Variants in JAKMIP3 observed in about 807,000 individuals in gnomAD.
The protein encoded by JAKMIP3 is janus kinase and microtubule-interacting protein 3.
A neutral mutation model predicts 118.5 loss-of-function variants in JAKMIP3; 58 were observed. The observed-to-expected ratio is 0.49, with a 90% CI of 0.40 to 0.61. The LOEUF (loss-of-function observed/expected upper bound fraction) is 0.61. Among genes scored for constraint, JAKMIP3 ranks in the 20% least tolerant of loss-of-function variants. JAKMIP3 has a pLI of 0.00. For missense variants in JAKMIP3, 950 were observed against 1,109.0 expected (o/e 0.86, Z 2.04); for synonymous variants, 486 against 451.2 (o/e 1.08, Z -0.98).
At chr10:132,056,870 A>C (rs2038250919) in intron 1 of JAKMIP3, among the ~76,000 whole-genome samples, 1 of 151,960 alleles carries the variant, frequency 6.6e-6, no homozygotes, top group African/African-American at 2.4e-5. Context: ...AATACCAGGC[A>C]CTCGGGGGTC....
At position 132,117,080 on chromosome 10, in the gene JAKMIP3, A is replaced by G; in HGVS notation, c.139A>G (p.Ser47Gly). The change falls in exon 3 of 24, where the codon AGC (serine) becomes GGC (glycine). Residue 47 changes from serine to glycine, a missense_variant. Coordinates refer to ENST00000684848, the MANE Select transcript of JAKMIP3 (RefSeq NM_001323087.2). This position sits in a 1 kb window ranked among gnomAD's most constrained non-coding sequence, Gnocchi z 8.6. ...IELQQEKSKV[S>G]KVEREKNQEL... ...CAGTCTCGCTGTTGTCTTTCAGGTC[A>G]GCAAAGTGGAACGCGAGAAGAACCA... The G allele has an allele frequency of 6.2e-7, 1 of 1,604,758 alleles. No individual in the cohort carries two copies. The highest frequency in any genetic ancestry group is 8.5e-7 in the Non-Finnish European group (1 of 1,173,042).
chr10:132,060,885 T>C (rs1436392677), upstream of JAKMIP3, among the ~76,000 whole-genome samples: 1 of 151,978 alleles, frequency 6.6e-6, no homozygotes, highest in Non-Finnish European at 1.5e-5. Context: ...CTGAGCATGG[T>C]GGTGGGTGCC....
intron 4 of JAKMIP3, among the ~76,000 whole-genome samples, chr10:132,134,811 A>G (rs954002453): frequency 2.0e-5 from 3 of 152,162 alleles, no homozygotes; most frequent in African/African-American, 7.2e-5. Context: ...GTTGTGTGTG[A>G]GGTAGGGTCT....
At chr10:132,111,446 C>A (rs1037042771) in intron 2 of JAKMIP3, among the ~76,000 whole-genome samples, 1 of 152,084 alleles carries the variant, frequency 6.6e-6, no homozygotes, top group African/African-American at 2.4e-5. Flanking sequence ...TGGGTGTGAC[C>A]TCGAGCGCCG....
At chr10:132,113,137 T>A (rs982239140) in intron 2 of JAKMIP3, among the ~76,000 whole-genome samples, 2 of 152,184 alleles carry the variant, frequency 1.3e-5, no homozygotes, top group African/African-American at 4.8e-5. Flanking sequence ...GGGATTCAAT[T>A]TGCACCTCCC....
At chr10:132,101,985 G>A (rs1043318924) in intron 1 of JAKMIP3, among the ~76,000 whole-genome samples, 2 of 144,932 alleles carry the variant, frequency 1.4e-5, no homozygotes, top group Non-Finnish European at 3.1e-5. Flanking sequence ...GAGCCCACCC[G>A]ACGCTCATGT....
At chr10:132,045,221 G>A (rs954098731) in intron 1 of JAKMIP3, among the ~76,000 whole-genome samples, 2 of 152,136 alleles carry the variant, frequency 1.3e-5, no homozygotes, top group Admixed American at 6.5e-5. Context: ...CCATCCTCAC[G>A]GGTGAGCAGG....
Position 132,163,380 on chromosome 10 carries a change from G to A in JAKMIP3, c.2392G>A (p.Glu798Lys). 6.2e-7 allele frequency: 1 copy of A among 1,605,248 alleles called. No individual in the cohort carries two copies. The highest frequency in any genetic ancestry group is 8.5e-7 in the Non-Finnish European group (1 of 1,179,068). Residue 798 changes from glutamate (E) to lysine (K), a missense_variant, in exon 20 of 24, where the codon GAG becomes AAG. Physicochemically the swap from Glu to Lys is moderately conservative, Grantham distance 56 (BLOSUM62 1). Transcript: ENST00000684848. ...CGAGCGGGACGCCCAGATCCTGCGG[G>A]AGCGCATGGAGCTGCTGCAGCTGGC... Reference protein sequence around the residue: ...LRERDAQILRERMELLQLAQQ... With the variant: ...LRERDAQILRKRMELLQLAQQ...
At position 132,112,436 on chromosome 10, in the gene JAKMIP3, T is replaced by G. The variant is rs2047013672; in HGVS notation, c.136-4641T>G. Among the ~76,000 whole-genome samples, 1 of 152,202 alleles carries G rather than the reference T, an allele frequency of 6.6e-6. No individual in the cohort carries two copies. Among genetic ancestry groups the G allele is most frequent in the Non-Finnish European group, 1.5e-5 (1 of 68,024 alleles). On this transcript the variant is annotated intron_variant, in intron 2 of 23. Coordinates refer to ENST00000684848, the MANE Select transcript of JAKMIP3 (RefSeq NM_001323087.2). The surrounding 1 kb of genome is among the most constrained non-coding windows in gnomAD (Gnocchi z 4.3). ...TCTTGGACTTCACCCACCTCATGCC[T>G]GCTTCCAGAACATTCCATCCCGCCT...
intron 1 of JAKMIP3, among the ~76,000 whole-genome samples, chr10:132,047,554 ACAT>A (rs1316205716): frequency 3.3e-5 from 5 of 152,308 alleles, no homozygotes; most frequent in African/African-American, 1.2e-4. Flanking sequence ...CATTGGTACA[ACAT>A]CATCACCCAA....
intron 1 of JAKMIP3, among the ~76,000 whole-genome samples, chr10:132,094,798 A>C (rs950713554): frequency 9.2e-5 from 14 of 151,786 alleles, no homozygotes; most frequent in Non-Finnish European, 2.1e-4. Context: ...GGAACTCCTA[A>C]GAGTATATGC....
intron 2 of JAKMIP3, among the ~76,000 whole-genome samples, chr10:132,111,846 G>A (rs2046933973): frequency 6.6e-6 from 1 of 152,156 alleles, no homozygotes. Flanking sequence ...GAGGGGCTGA[G>A]GGGAGCAGAG....
chr10:132,080,503 ATTTTTTTTTTTT>A (rs201838731), intron 1 of JAKMIP3, among the ~76,000 whole-genome samples: 1,686 of 61,490 alleles, frequency 0.027, 47 homozygotes, highest in South Asian at 0.073. Flanking sequence ...AAGTTATAGG[ATTTTTTTTTTTT>A]TTTTTTTTTT....
At position 132,136,027 on chromosome 10, in the gene JAKMIP3, G is replaced by A. The variant is rs764557390; in HGVS notation, c.1067G>A (p.Arg356His). The change falls in exon 6 of 24, where the codon CGC becomes CAC. Residue 356 changes from arginine (R) to histidine (H), a missense_variant. Arg to His is a conservative substitution (Grantham distance 29). Coordinates refer to ENST00000684848, the MANE Select transcript of JAKMIP3 (RefSeq NM_001323087.2). ...AACGAGGATTTGTCTCATGCTTTAC[G>A]CCGAATGGAAAACAAGTTAAAATTT... Reference protein sequence around the residue: ...RKNEDLSHALRRMENKLKFVT... With the variant: ...RKNEDLSHALHRMENKLKFVT... The A allele has an allele frequency of 2.7e-5, 43 of 1,613,556 alleles. No individual in the cohort carries two copies. The highest frequency in any genetic ancestry group is 3.3e-4 in the Middle Eastern group (2 of 6,084).
At chr10:132,148,595 G>A (rs745494864) in intron 14 of JAKMIP3, among the ~76,000 whole-genome samples, 2 of 152,230 alleles carry the variant, frequency 1.3e-5, no homozygotes, top group South Asian at 2.1e-4. Context: ...GTCGGCAGAC[G>A]TTTGTTTCTT....
Position 132,117,286 on chromosome 10 carries a change from G to A in JAKMIP3, c.345G>A (p.Arg115=), listed in dbSNP as rs1384705125. 4 of 1,613,844 alleles carry A rather than the reference G, an allele frequency of 2.5e-6. No homozygotes were observed. In the African/African-American group the frequency reaches 5.3e-5, roughly 22 times the overall value. The change falls in exon 3 of 24, where the codon CGG becomes CGA. Residue 115 remains arginine, a synonymous_variant. Transcript: ENST00000684848. This position sits in a 1 kb window ranked among gnomAD's most constrained non-coding sequence, Gnocchi z 8.6. ...VIKIKDNENQ[R]LQALLSALRD... ...AGATCAAGGACAACGAGAACCAGCG[G>A]CTGCAGGCACTGCTCAGTGCCCTGC...
Position 132,163,289 on chromosome 10 carries a change from G to C in JAKMIP3, c.2301G>C (p.Glu767Asp). 1 of 1,601,810 alleles carries C rather than the reference G, an allele frequency of 6.2e-7. No individual in the cohort carries two copies. Among genetic ancestry groups the C allele is most frequent in the African/African-American group, 1.3e-5 (1 of 74,916 alleles). The change falls in exon 20 of 24, where the codon GAG (glutamate) becomes GAC (aspartate). Residue 767 changes from glutamate to aspartate, a missense_variant. Transcript: ENST00000684848. ...AGAKVAELLS[E>D]EEREKLKVAV... The stretch of plus-strand genomic sequence containing the variant: ...CTAAGGTGGCTGAGCTGCTGTCAGA[G>C]GAGGAGCGCGAGAAGCTCAAGGTGG...
At chr10:132,140,402 G>A in intron 9 of JAKMIP3, 49 bp from the exon 10 acceptor site, 1 of 1,608,800 alleles carries the variant, frequency 6.2e-7, no homozygotes. Flanking sequence ...GGAGGAGGCG[G>A]CTGTGCCTGG....
intron 1 of JAKMIP3, among the ~76,000 whole-genome samples, chr10:132,072,785 G>A (rs1008691712): frequency 2.0e-5 from 3 of 151,616 alleles, no homozygotes; most frequent in Non-Finnish European, 4.4e-5. Flanking sequence ...TTTCTTTAGG[G>A]TACACGTGTA....
Sources: gnomAD v4.1 joint callset for allele counts (sites outside exome capture counted in the v4.1 genomes callset) on GRCh38, gnomAD v4.1.1 for gene constraint, Gnocchi (gnomAD v3.1) non-coding constraint, MANE v1.5 for transcripts, NCBI Gene and HGNC (gene_info 2026-07-23, HGNC 2026-07-21) for gene names.